ROCK2: variants seen among roughly 807,000 people sequenced by gnomAD.
ROCK2 encodes Rho associated coiled-coil containing protein kinase 2.
Under a neutral mutation model 195.1 loss-of-function variants are expected in ROCK2, and 61 were observed. That is an observed-to-expected ratio of 0.31 (90% confidence interval 0.25 to 0.39). The LOEUF (loss-of-function observed/expected upper bound fraction) is 0.39, where lower values mean the gene tolerates loss of function less well. ROCK2 is among the 10% of genes least tolerant of loss of function. The probability of loss-of-function intolerance (pLI) is 1.00; values close to 1 mark genes in which losing one functional copy is unlikely to be tolerated. For synonymous variants in ROCK2, 504 were observed against 545.5 expected (o/e 0.92, Z 1.06); for missense variants, 1,109 against 1,637.4 (o/e 0.68, Z 5.57).
intron 3 of ROCK2, among the ~76,000 whole-genome samples, chr2:11,251,424 G>A (rs1234493520): frequency 6.6e-6 from 1 of 152,196 alleles, no homozygotes; most frequent in Non-Finnish European, 1.5e-5. Context: ...TCCCAGTGAG[G>A]TATTATTTCC....
intron 1 of ROCK2, among the ~76,000 whole-genome samples, chr2:11,314,948 A>C (rs1668145831): frequency 1.3e-5 from 2 of 152,184 alleles, no homozygotes; most frequent in Admixed American, 1.3e-4. Flanking sequence ...CTTATCCATA[A>C]GCAAAACCTA....
At chr2:11,320,553 A>G (rs1234001435) in intron 1 of ROCK2, among the ~76,000 whole-genome samples, 2 of 152,248 alleles carry the variant, frequency 1.3e-5, no homozygotes, top group Non-Finnish European at 2.9e-5. Flanking sequence ...TTATGAAGCG[A>G]TAAAATTATT....
At chr2:11,249,391 T>C (rs1233656856) in intron 4 of ROCK2, among the ~76,000 whole-genome samples, 1 of 152,224 alleles carries the variant, frequency 6.6e-6, no homozygotes, top group African/African-American at 2.4e-5. Flanking sequence ...AACAATGGCA[T>C]ACTGGTATTC....
At chr2:11,336,006 ATAAGT>A (rs1359614823) in intron 1 of ROCK2, among the ~76,000 whole-genome samples, 4 of 152,234 alleles carry the variant, frequency 2.6e-5, no homozygotes, top group Non-Finnish European at 5.9e-5. Context: ...TTAAATACAT[ATAAGT>A]TAAGATATAT....
At position 11,197,494 on chromosome 2, in the gene ROCK2, T is replaced by C. The variant is rs1404514127; in HGVS notation, c.3279+32A>G. 3 of 1,583,466 alleles carry C rather than the reference T, an allele frequency of 1.9e-6. No individual in the cohort carries two copies. The highest frequency in any genetic ancestry group is 2.3e-5 in the South Asian group (2 of 86,506). On this transcript the variant is annotated intron_variant, in intron 26 of 32. Transcript: ENST00000315872. This position sits in a 1 kb window ranked among gnomAD's most constrained non-coding sequence, Gnocchi z 4.9. Reference sequence around the variant, plus strand: ...AATAATTCTACTTCTTAAAAAGAAGTCTTCAGTCTAGAGTCCAAAAAGTAT... The same window carrying C: ...AATAATTCTACTTCTTAAAAAGAAGCCTTCAGTCTAGAGTCCAAAAAGTAT...
chr2:11,252,448 T>G (rs981560194), intron 3 of ROCK2, among the ~76,000 whole-genome samples: 1 of 151,774 alleles, frequency 6.6e-6, no homozygotes, highest in African/African-American at 2.4e-5. Context: ...ATCCCATTAC[T>G]GGGTATATAC....
intron 3 of ROCK2, among the ~76,000 whole-genome samples, chr2:11,280,524 G>A (rs1403882472): frequency 6.6e-6 from 1 of 151,964 alleles, no homozygotes; most frequent in African/African-American, 2.4e-5. Flanking sequence ...TCAGCTACTA[G>A]GAGGCTGGGG....
chr2:11,269,029 T>C (rs1179006530), intron 3 of ROCK2, among the ~76,000 whole-genome samples: 1 of 152,250 alleles, frequency 6.6e-6, no homozygotes, highest in Non-Finnish European at 1.5e-5. Flanking sequence ...CCGGCTCAAA[T>C]CTGCCCCTTT....
intron 32 of ROCK2, 143 bp from the exon 33 acceptor site, chr2:11,183,583 A>G: frequency 1.7e-6 from 1 of 593,926 alleles, no homozygotes; most frequent in Non-Finnish European, 2.9e-6. Flanking sequence ...ATCATGCATA[A>G]ACATACTTAC....
rs923651999 is a variant in ROCK2 at position 11,265,240 on chromosome 2, C to T, written c.325-15442G>A. Among the ~76,000 whole-genome samples, 3 of 151,906 alleles carry T rather than the reference C, an allele frequency of 2.0e-5. No individual in the cohort carries two copies. In the East Asian group the frequency reaches 5.8e-4, roughly 29 times the overall value. ...ATTACAAAACTATGTATATAATGAT[C>T]CTTTAAGACTTAAATATATTACATT... On this transcript the variant is annotated intron_variant, in intron 3 of 32. Coordinates refer to ENST00000315872, the MANE Select transcript of ROCK2 (RefSeq NM_004850.5).
intron 3 of ROCK2, among the ~76,000 whole-genome samples, chr2:11,269,660 G>A (rs1666555608): frequency 6.6e-6 from 1 of 152,138 alleles, no homozygotes; most frequent in South Asian, 2.1e-4. Context: ...TATTCTGCCG[G>A]TGTGATTGTT....
At chr2:11,291,517 C>A (rs1284131888) in intron 1 of ROCK2, among the ~76,000 whole-genome samples, 3 of 151,836 alleles carry the variant, frequency 2.0e-5, no homozygotes, top group Non-Finnish European at 4.4e-5. Context: ...CGCCACTGCA[C>A]TCCAGCCTGA....
At chr2:11,214,315 T>C in intron 17 of ROCK2, 42 bp downstream of exon 17, 3 of 1,104,988 alleles carry the variant, frequency 2.7e-6, no homozygotes, top group African/African-American at 1.6e-5. Context: ...CCTGAAAGTC[T>C]ACTGTCAATT....
intron 3 of ROCK2, among the ~76,000 whole-genome samples, chr2:11,262,276 G>C (rs1172040151): frequency 6.6e-6 from 1 of 151,832 alleles, no homozygotes; most frequent in Non-Finnish European, 1.5e-5. Context: ...ATAAATAATG[G>C]TCAAAAAGTT....
intron 1 of ROCK2, among the ~76,000 whole-genome samples, chr2:11,325,912 T>A (rs1440718310): frequency 6.6e-6 from 1 of 152,158 alleles, no homozygotes; most frequent in Non-Finnish European, 1.5e-5. Context: ...TGATAAGATC[T>A]GGGAACAATG....
At chr2:11,317,377 T>A (rs923287886) in intron 1 of ROCK2, among the ~76,000 whole-genome samples, 1 of 151,374 alleles carries the variant, frequency 6.6e-6, no homozygotes, top group Non-Finnish European at 1.5e-5. Flanking sequence ...TGAAATTGAA[T>A]ATTAACTCTA....
chr2:11,275,083 C>T (rs571201079), intron 3 of ROCK2, among the ~76,000 whole-genome samples: 3 of 152,046 alleles, frequency 2.0e-5, no homozygotes, highest in East Asian at 1.9e-4. Flanking sequence ...ATGGTGAATC[C>T]CCATCTCTAC....
At chr2:11,232,188 G>A (rs1458706849) in intron 5 of ROCK2, among the ~76,000 whole-genome samples, 2 of 151,902 alleles carry the variant, frequency 1.3e-5, no homozygotes, top group African/African-American at 2.4e-5. Context: ...CTGTGGCCTG[G>A]CACGATCTCG....
chr2:11,320,222 T>A (rs562458068), intron 1 of ROCK2, among the ~76,000 whole-genome samples: 148 of 152,310 alleles, frequency 9.7e-4, no homozygotes, highest in African/African-American at 3.2e-3. Context: ...TTTAAAAAAA[T>A]TTTTTTAAGT....
Sources: allele counts gnomAD v4.1 joint callset (sites outside exome capture counted in the v4.1 genomes callset), GRCh38; gene constraint gnomAD v4.1.1; non-coding constraint Gnocchi (gnomAD v3.1); transcripts MANE v1.5; gene names NCBI Gene and HGNC (gene_info 2026-07-23, HGNC 2026-07-21).